The following ABCA13 variants were observed in gnomAD, a reference collection of about 807,000 sequenced individuals.
ABCA13 encodes ATP-binding cassette sub-family A member 13.
A neutral mutation model predicts 478.7 loss-of-function variants in ABCA13; 476 were observed. That is an observed-to-expected ratio of 0.99 (90% confidence interval 0.92 to 1.07). The LOEUF (loss-of-function observed/expected upper bound fraction) is 1.07. Among genes scored for constraint, ABCA13 ranks in the 50% least tolerant of loss-of-function variants. The pLI is 0.00. For missense variants in ABCA13, 6,060 were observed against 5,910.6 expected, an observed-to-expected ratio of 1.03 and a Z score of -0.83; for synonymous variants, 2,252 against 2,158.9, an observed-to-expected ratio of 1.04 and a Z score of -1.20.
At chr7:48,489,568 G>C (rs73107543) in intron 48 of ABCA13, among the ~76,000 whole-genome samples, 25,054 of 152,080 alleles carry the variant, frequency 0.16, 2,267 homozygotes, top group East Asian at 0.29. Flanking sequence ...TCATCTGTAG[G>C]ATGAGGGGAA....
At chr7:48,621,541 C>A (rs923373905) in intron 59 of ABCA13, among the ~76,000 whole-genome samples, 8 of 152,066 alleles carry the variant, frequency 5.3e-5, no homozygotes, top group African/African-American at 1.9e-4. Context: ...TTTTAGTTCA[C>A]CAGGAGGTTT....
intron 55 of ABCA13, among the ~76,000 whole-genome samples, chr7:48,547,859 T>C (rs1784960489): frequency 6.6e-6 from 1 of 151,916 alleles, no homozygotes; most frequent in Non-Finnish European, 1.5e-5. Flanking sequence ...TGATGATGCT[T>C]GGTAGGTTAG....
intron 19 of ABCA13, among the ~76,000 whole-genome samples, chr7:48,282,810 A>C (rs1021621661): frequency 2.0e-5 from 3 of 152,070 alleles, no homozygotes; most frequent in African/African-American, 7.2e-5. Flanking sequence ...ACCGTGTGCT[A>C]TTCTGATGAT....
intron 39 of ABCA13, among the ~76,000 whole-genome samples, chr7:48,408,011 A>G (rs1818488720): frequency 6.6e-6 from 1 of 152,194 alleles, no homozygotes; most frequent in Admixed American, 6.5e-5. Context: ...AAATGTATGT[A>G]TACATTGTGG....
In ABCA13 at chr7:48,254,346, C is replaced by T. The variant is rs1793059610; in HGVS notation, c.2005+4995C>T. Among the ~76,000 whole-genome samples the T allele has an allele frequency of 4.6e-5, 7 of 152,160 alleles. No homozygotes were observed. The South Asian group carries it at 1.5e-3, about 32-fold the overall frequency. On this transcript the variant is annotated intron_variant, in intron 15 of 61. Coordinates refer to ENST00000435803, the MANE Select transcript of ABCA13 (RefSeq NM_152701.5). ...TGGTACAACCATAGCTCACTGTAGC[C>T]TCGAATTATGAGGCTCAAGTGATCC...
At chr7:48,514,705 T>C (rs1831978080) in intron 51 of ABCA13, among the ~76,000 whole-genome samples, 2 of 151,996 alleles carry the variant, frequency 1.3e-5, no homozygotes, top group African/African-American at 4.8e-5. Flanking sequence ...AGGTGTGTGG[T>C]GTGGGTGAAT....
At position 48,193,187 on chromosome 7, in the gene ABCA13, C is replaced by T. The variant is rs1797334356; in HGVS notation, c.163+135C>T. 4 of 681,680 alleles carry T rather than the reference C, an allele frequency of 5.9e-6. No individual in the cohort carries two copies. The Admixed American group carries it at 8.9e-5, about 15-fold the overall frequency. The allele number at this position is 681,680 out of a possible 1,614,324, so 42.2% of individuals were successfully genotyped here. ...TAGGGTTTCATTATGACAATAACAA[C>T]ATATCTGGAGTATATGTCAATAAGC... On this transcript the variant is annotated intron_variant, in intron 2 of 61. Transcript: ENST00000435803.
chr7:48,424,496 G>A (rs1345823248), intron 41 of ABCA13, among the ~76,000 whole-genome samples: 1 of 152,126 alleles, frequency 6.6e-6, no homozygotes, highest in Non-Finnish European at 1.5e-5. Flanking sequence ...TAACAAAATG[G>A]CGTTGAATGA....
intron 7 of ABCA13, among the ~76,000 whole-genome samples, chr7:48,231,931 G>T (rs1164752821): frequency 6.6e-6 from 1 of 152,022 alleles, no homozygotes; most frequent in African/African-American, 2.4e-5. Context: ...CAAAGTGCTG[G>T]GATTACAGGC....
chr7:48,382,448 G>T (rs1814536044), intron 35 of ABCA13, among the ~76,000 whole-genome samples: 1 of 152,238 alleles, frequency 6.6e-6, no homozygotes, highest in African/African-American at 2.4e-5. Flanking sequence ...TGGGGAGTTG[G>T]GGGGCAGTCT....
In ABCA13 at chr7:48,596,658, C is replaced by T. The variant is rs192878182; in HGVS notation, c.14744+1845C>T. Among the ~76,000 whole-genome samples the T allele has an allele frequency of 2.0e-3, 306 of 151,886 alleles. 1 individual carries two copies. Among genetic ancestry groups the T allele is most frequent in the African/African-American group, 7.1e-3 (294 of 41,494 alleles). ...CTAAAAATACAAAAAATTAGCCAGG[C>T]GTGGTGGCGGGCGCCTGTAGTCCCA... On this transcript the variant is annotated intron_variant, in intron 58 of 61. Transcript: ENST00000435803.
Position 48,213,703 on chromosome 7 carries a change from A to G in ABCA13, c.288-5651A>G, listed in dbSNP as rs570981139. Among the ~76,000 whole-genome samples the G allele has an allele frequency of 3.3e-5, 5 of 152,364 alleles. No homozygotes were observed. The East Asian group carries it at 5.8e-4, about 18-fold the overall frequency. The stretch of plus-strand genomic sequence containing the variant: ...GGGACTTCTTTCAAAATGAGAGTCA[A>G]TCTTCTCAAACTCTGTCACTGACTT... On this transcript the variant is annotated intron_variant, in intron 3 of 61. Coordinates refer to ENST00000435803, the MANE Select transcript of ABCA13 (RefSeq NM_152701.5).
intron 55 of ABCA13, among the ~76,000 whole-genome samples, chr7:48,557,345 T>C (rs1298409324): frequency 6.6e-6 from 1 of 152,128 alleles, no homozygotes; most frequent in Non-Finnish European, 1.5e-5. Flanking sequence ...TTCTTTCAGA[T>C]TGAACAAATG....
intron 1 of ABCA13, among the ~76,000 whole-genome samples, chr7:48,187,286 T>C (rs1796493486): frequency 6.7e-6 from 1 of 149,702 alleles, no homozygotes; most frequent in Non-Finnish European, 1.5e-5. Context: ...TTTTTTTGTC[T>C]GTCTAGACAC....
In ABCA13 at chr7:48,314,264, T is replaced by C; in HGVS notation, c.9714T>C (p.Ala3238=). The C allele has an allele frequency of 1.2e-6, 2 of 1,613,472 alleles. No homozygotes were observed. The highest frequency in any genetic ancestry group is 1.3e-5 in the African/African-American group (1 of 75,040). ...AAAATGTCCAGGCCAGAAGTTCAGC[T>C]TTTGGTTCTTTCCAGTTTGTGATGA... ...VSQNVQARSS[A]FGSFQFVMKM... Residue 3238 remains alanine (A), a synonymous_variant, in exon 26 of 62, where the codon GCT becomes GCC. Transcript: ENST00000435803.
chr7:48,267,555 G>T (rs1467688875), intron 15 of ABCA13, among the ~76,000 whole-genome samples: 2 of 151,974 alleles, frequency 1.3e-5, no homozygotes, highest in African/African-American at 4.8e-5. Flanking sequence ...ATTGGATCTT[G>T]TTTTATCCAA....
intron 1 of ABCA13, among the ~76,000 whole-genome samples, chr7:48,178,286 G>A (rs1795155442): frequency 6.6e-6 from 1 of 152,168 alleles, no homozygotes; most frequent in African/African-American, 2.4e-5. Flanking sequence ...GGCAGTGAGG[G>A]AACACTTGCA....
chr7:48,519,151 C>T (rs1464365237), intron 52 of ABCA13, among the ~76,000 whole-genome samples: 1 of 152,156 alleles, frequency 6.6e-6, no homozygotes, highest in Non-Finnish European at 1.5e-5. Flanking sequence ...GATCTCCTTC[C>T]TTTTTATGGC....
chr7:48,618,800 G>A (rs1021356142), intron 59 of ABCA13, among the ~76,000 whole-genome samples: 2 of 152,158 alleles, frequency 1.3e-5, no homozygotes, highest in African/African-American at 2.4e-5. Flanking sequence ...CTTAGAGGAG[G>A]TGTTTGAGAT....
Sources: gnomAD v4.1 joint callset for allele counts (sites outside exome capture counted in the v4.1 genomes callset) on GRCh38, gnomAD v4.1.1 for gene constraint, MANE v1.5 for transcripts, NCBI Gene and HGNC (gene_info 2026-07-23, HGNC 2026-07-21) for gene names.